The following RHOBTB3 variants were observed in gnomAD, a reference collection of about 807,000 sequenced individuals.
RHOBTB3 encodes rho-related BTB domain-containing protein 3.
In RHOBTB3, 47 loss-of-function variants were observed where a neutral mutation model predicts 67.2. The ratio of observed to expected loss-of-function variants is 0.70; its 90% CI spans 0.55 to 0.89. The LOEUF (loss-of-function observed/expected upper bound fraction) is 0.89, where lower values mean the gene tolerates loss of function less well. Among genes scored for constraint, RHOBTB3 ranks in the 40% least tolerant of loss-of-function variants. RHOBTB3 has a pLI of 0.00. For missense variants in RHOBTB3, 631 were observed against 750.0 expected, an observed-to-expected ratio of 0.84 and a Z score of 1.85; for synonymous variants, 273 against 274.2, an observed-to-expected ratio of 1.00 and a Z score of 0.04.
chr5:95,794,117 C>T lies in RHOBTB3; in HGVS notation c.*943C>T, dbSNP rs1746501332. On this transcript the variant is annotated 3_prime_UTR_variant, in exon 12 of 12. Coordinates refer to ENST00000379982, the MANE Select transcript of RHOBTB3 (RefSeq NM_014899.4). ...TTGGGGAGGTCTGGACCACCCAGGG[C>T]CTCCACTGCCACCTTGGCTGGCAAG... 2 of 434,722 alleles carry T rather than the reference C, an allele frequency of 4.6e-6. No individual in the cohort carries two copies. The highest frequency in any genetic ancestry group is 2.8e-5 in the Admixed American group (1 of 36,262). 26.9% of individuals were successfully genotyped at this position (434,722 alleles called of 1,614,324 possible). A position where few individuals can be genotyped will look rare whatever the true frequency, so the allele number is the denominator to read the frequency against.
chr5:95,770,622 T>C, intron 8 of RHOBTB3: 1 of 485,042 alleles, frequency 2.1e-6, no homozygotes, highest in Non-Finnish European at 4.2e-6. Flanking sequence ...CTCCATTAAT[T>C]ACAGCAGAAG....
intron 6 of RHOBTB3, among the ~76,000 whole-genome samples, 170 bp from the exon 7 acceptor site, chr5:95,763,338 G>A (rs927739509): frequency 5.9e-5 from 9 of 152,110 alleles, no homozygotes; most frequent in South Asian, 2.1e-4. Flanking sequence ...TAAACTGATC[G>A]TTTTGAAATG....
intron 6 of RHOBTB3, among the ~76,000 whole-genome samples, chr5:95,761,054 AT>A (rs1412992074): frequency 6.6e-6 from 1 of 152,082 alleles, no homozygotes; most frequent in East Asian, 1.9e-4. Flanking sequence ...GCCTGTGGGG[AT>A]TTACCTGCTA....
intron 3 of RHOBTB3, among the ~76,000 whole-genome samples, chr5:95,739,395 G>A (rs1755539625): frequency 6.6e-6 from 1 of 151,878 alleles, no homozygotes; most frequent in African/African-American, 2.4e-5. Context: ...AGATTTTGTA[G>A]GGCCTCAAAC....
intron 11 of RHOBTB3, 64 bp from the exon 12 acceptor site, chr5:95,792,995 C>T: frequency 9.2e-7 from 1 of 1,087,208 alleles, no homozygotes; most frequent in Non-Finnish European, 1.4e-6. Context: ...AAATCAATAG[C>T]TGATATCTTA....
At chr5:95,753,359 C>T (rs1404062657) in intron 5 of RHOBTB3, among the ~76,000 whole-genome samples, 1 of 151,854 alleles carries the variant, frequency 6.6e-6, no homozygotes, top group Non-Finnish European at 1.5e-5. Flanking sequence ...TATGTGTGTT[C>T]ATTGCATCAT....
At chr5:95,731,078 G>A, upstream of RHOBTB3, 1 of 1,092,148 alleles carries the variant, frequency 9.2e-7, no homozygotes, top group Non-Finnish European at 1.1e-6. Context: ...ACTTGCTGCA[G>A]GCGGATTGGC....
upstream of RHOBTB3, among the ~76,000 whole-genome samples, chr5:95,729,214 T>G (rs1755148045): frequency 6.6e-6 from 1 of 152,246 alleles, no homozygotes; most frequent in African/African-American, 2.4e-5. Context: ...GGACTTGCCC[T>G]GAATTCTTCG....
chr5:95,742,043 T>C (rs559886519), intron 3 of RHOBTB3, among the ~76,000 whole-genome samples: 1 of 152,306 alleles, frequency 6.6e-6, no homozygotes, highest in East Asian at 1.9e-4. Flanking sequence ...TTCCTTATTT[T>C]CTGGCACAAG....
chr5:95,784,517 A>T (rs1580429685), intron 10 of RHOBTB3, among the ~76,000 whole-genome samples: 4 of 152,180 alleles, frequency 2.6e-5, no homozygotes, highest in Admixed American at 6.5e-5. Flanking sequence ...TCACTGCCGT[A>T]TGTGTACATG....
intron 3 of RHOBTB3, among the ~76,000 whole-genome samples, chr5:95,743,290 C>T (rs1755651829): frequency 6.6e-6 from 1 of 152,062 alleles, no homozygotes; most frequent in Non-Finnish European, 1.5e-5. Flanking sequence ...GGATTGATGC[C>T]TTCCTCTTTC....
chr5:95,767,342 CTTT>C (rs112510793), intron 7 of RHOBTB3, among the ~76,000 whole-genome samples: 1 of 147,692 alleles, frequency 6.8e-6, no homozygotes. Context: ...ATTTTTCTTT[CTTT>C]TTTTTTTTTG....
chr5:95,783,689 A>T, intron 9 of RHOBTB3, 108 bp from the exon 10 acceptor site: 1 of 865,824 alleles, frequency 1.2e-6, no homozygotes, highest in Non-Finnish European at 1.8e-6. Flanking sequence ...GGTGGATGCT[A>T]CGGTCAGCAT....
intron 8 of RHOBTB3, 152 bp downstream of exon 8, chr5:95,768,318 T>C: frequency 1.8e-6 from 1 of 569,768 alleles, no homozygotes; most frequent in Non-Finnish European, 3.0e-6. Flanking sequence ...CAACAAAATC[T>C]TCCAGGTAAA....
Position 95,731,551 on chromosome 5 carries a change from G to A in RHOBTB3, c.-132G>A, listed in dbSNP as rs887449827. The A allele has an allele frequency of 1.9e-5, 27 of 1,444,226 alleles. No homozygotes were observed. The highest frequency in any genetic ancestry group is 2.6e-5 in the Admixed American group (1 of 38,794). The allele number at this position is 1,444,226 out of a possible 1,614,324, so 89.5% of individuals were successfully genotyped here. A position where few individuals can be genotyped will look rare whatever the true frequency, so the allele number is the denominator to read the frequency against. On this transcript the variant is annotated 5_prime_UTR_variant, in exon 1 of 12. Transcript: ENST00000379982. ...GGCCCCGCTCTGCGTCGGCCCCGCC[G>A]CGGTGGAGGCGCGCGAGGGGGACGC...
At chr5:95,767,922 G>T in intron 7 of RHOBTB3, 124 bp from the exon 8 acceptor site, 1 of 927,662 alleles carries the variant, frequency 1.1e-6, no homozygotes, top group Non-Finnish European at 1.7e-6. Flanking sequence ...GATCAGAGAT[G>T]TCATAGAGTA....
At position 95,736,850 on chromosome 5, in the gene RHOBTB3, A is replaced by G. The variant is rs560993590; in HGVS notation, c.229-39A>G. The G allele has an allele frequency of 1.9e-5, 25 of 1,344,734 alleles. 1 individual carries two copies. In the South Asian group the frequency reaches 3.2e-4, roughly 17 times the overall value. 83.3% of individuals were successfully genotyped at this position (1,344,734 alleles called of 1,614,324 possible). A position where few individuals can be genotyped will look rare whatever the true frequency, so the allele number is the denominator to read the frequency against. On this transcript the variant is annotated intron_variant, in intron 2 of 11. Transcript: ENST00000379982. ...AAATTATTTCAGGATTGATTGGACG[A>G]TAAGTAGACTAAAGATTGCTATTTG...
At chr5:95,738,972 A>C (rs759199208) in intron 3 of RHOBTB3, among the ~76,000 whole-genome samples, 25 of 152,110 alleles carry the variant, frequency 1.6e-4, no homozygotes, top group Non-Finnish European at 3.1e-4. Flanking sequence ...CACACAGCAG[A>C]ATTGTTTCCC....
chr5:95,776,713 T>C (rs1745894801), intron 8 of RHOBTB3, among the ~76,000 whole-genome samples: 2 of 152,204 alleles, frequency 1.3e-5, no homozygotes, highest in African/African-American at 2.4e-5. Context: ...ATACTTACTA[T>C]GTAGGTTTGG....
Sources: allele counts gnomAD v4.1 joint callset (sites outside exome capture counted in the v4.1 genomes callset), GRCh38; gene constraint gnomAD v4.1.1; transcripts MANE v1.5; gene names NCBI Gene and HGNC (gene_info 2026-07-23, HGNC 2026-07-21).